Variants in ARHGAP26 observed in about 807,000 individuals in gnomAD.
ARHGAP26 encodes rho GTPase-activating protein 26.
A neutral mutation model predicts 104.8 loss-of-function variants in ARHGAP26; 38 were observed. The observed-to-expected ratio is 0.36, with a 90% confidence interval of 0.28 to 0.48. The LOEUF (loss-of-function observed/expected upper bound fraction) is 0.48. Ranked by LOEUF, ARHGAP26 falls within the 20% of genes least tolerant of loss-of-function variation. The pLI is 0.99. For missense variants in ARHGAP26, 704 were observed against 947.9 expected, an observed-to-expected ratio of 0.74 and a Z score of 3.38; for synonymous variants, 341 against 340.0, an observed-to-expected ratio of 1.00 and a Z score of -0.03.
At chr5:143,173,491 CG>C (rs1803066334) in intron 20 of ARHGAP26, among the ~76,000 whole-genome samples, 2 of 152,296 alleles carry the variant, frequency 1.3e-5, no homozygotes, top group African/African-American at 4.8e-5. Flanking sequence ...TCTCCAAAAA[CG>C]AAGTGGCTTT....
At chr5:142,886,328 G>T (rs1757697337) in intron 5 of ARHGAP26, among the ~76,000 whole-genome samples, 1 of 152,186 alleles carries the variant, frequency 6.6e-6, no homozygotes, top group African/African-American at 2.4e-5. Flanking sequence ...AGGTTGAAAG[G>T]TTGAAGTAAC....
At chr5:142,878,978 T>G (rs1756536351) in intron 3 of ARHGAP26, among the ~76,000 whole-genome samples, 1 of 152,176 alleles carries the variant, frequency 6.6e-6, no homozygotes, top group African/African-American at 2.4e-5. Context: ...TTATTTGTTT[T>G]TAACCTAGAC....
chr5:143,111,700 ATAG>A (rs1794787483), intron 17 of ARHGAP26, among the ~76,000 whole-genome samples: 1 of 152,256 alleles, frequency 6.6e-6, no homozygotes, highest in Non-Finnish European at 1.5e-5. Flanking sequence ...GGATCCTGGT[ATAG>A]TAGTGTGAGC....
intron 11 of ARHGAP26, among the ~76,000 whole-genome samples, chr5:142,992,364 A>G (rs1486182065): frequency 1.3e-5 from 2 of 152,106 alleles, no homozygotes; most frequent in Non-Finnish European, 2.9e-5. Flanking sequence ...CTATTTCACA[A>G]CTGATTCGAA....
chr5:143,022,273 A>C (rs4912890), intron 12 of ARHGAP26, among the ~76,000 whole-genome samples: 3 of 151,802 alleles, frequency 2.0e-5, no homozygotes, highest in African/African-American at 7.3e-5. Flanking sequence ...GGGTTTCACC[A>C]TGTTGGCCAG....
At chr5:142,940,666 G>A (rs1183157493) in intron 11 of ARHGAP26, among the ~76,000 whole-genome samples, 1 of 152,154 alleles carries the variant, frequency 6.6e-6, no homozygotes, top group Non-Finnish European at 1.5e-5. Flanking sequence ...ATTCCGTGGT[G>A]TATATTTACC....
chr5:143,065,427 G>A (rs966159795), intron 17 of ARHGAP26, among the ~76,000 whole-genome samples: 2 of 152,148 alleles, frequency 1.3e-5, no homozygotes, highest in African/African-American at 4.8e-5. Context: ...CTGAAACGTG[G>A]CAGCTGGCAG....
chr5:143,112,581 G>A lies in ARHGAP26; in HGVS notation c.1539-8407G>A, dbSNP rs369429949. Among the ~76,000 whole-genome samples, 17 of 152,252 alleles carry A rather than the reference G, an allele frequency of 1.1e-4. No homozygotes were observed. In the East Asian group the frequency reaches 2.1e-3, roughly 19 times the overall value. On this transcript the variant is annotated intron_variant, in intron 17 of 22. Transcript: ENST00000645722. ...TCTCCATAACTAATCTTGTAAAACC[G>A]AAGCTCTGTATCCATTAAACAAAAG...
At chr5:142,823,636 C>T (rs1222145938) in intron 1 of ARHGAP26, among the ~76,000 whole-genome samples, 1 of 152,170 alleles carries the variant, frequency 6.6e-6, no homozygotes, top group East Asian at 1.9e-4. Flanking sequence ...TGTTTCCTTC[C>T]TCAAGGTGTA....
intron 1 of ARHGAP26, among the ~76,000 whole-genome samples, chr5:142,840,332 A>G (rs1270742853): frequency 6.6e-6 from 1 of 152,220 alleles, no homozygotes; most frequent in African/African-American, 2.4e-5. Flanking sequence ...GCCTTACCTC[A>G]TCATGGAGGA....
chr5:142,826,526 T>C (rs958884948), intron 1 of ARHGAP26, among the ~76,000 whole-genome samples: 2 of 152,254 alleles, frequency 1.3e-5, no homozygotes, highest in Non-Finnish European at 2.9e-5. Flanking sequence ...CGAGGATTAT[T>C]ATCACCACGG....
chr5:143,111,597 A>T (rs887234685), intron 17 of ARHGAP26, among the ~76,000 whole-genome samples: 4 of 152,220 alleles, frequency 2.6e-5, no homozygotes, highest in Admixed American at 1.3e-4. Flanking sequence ...AGTAATAATA[A>T]AAGACAGGCA....
chr5:143,228,079 T>A lies in ARHGAP26; in HGVS notation c.*5633T>A. 4.5e-6 allele frequency: 1 copy of A among 222,536 alleles called. No individual in the cohort carries two copies. 13.8% of individuals were successfully genotyped at this position (222,536 alleles called of 1,614,324 possible). A position where few individuals can be genotyped will look rare whatever the true frequency, so the allele number is the denominator to read the frequency against. On this transcript the variant is annotated 3_prime_UTR_variant, in exon 23 of 23. Transcript: ENST00000645722. ...ATTGATAAACAAAATGTCAGTTACCTGGAGCAGTCCTGGAGAGGTTAAGAC... is the reference window on the plus strand; with the variant it reads ...ATTGATAAACAAAATGTCAGTTACCAGGAGCAGTCCTGGAGAGGTTAAGAC...
chr5:142,888,355 A>G (rs1024143693), intron 5 of ARHGAP26, among the ~76,000 whole-genome samples: 2 of 152,188 alleles, frequency 1.3e-5, no homozygotes, highest in African/African-American at 2.4e-5. Flanking sequence ...GTGTCATGAT[A>G]TAGAATTAGA....
rs1472949168 is a variant in ARHGAP26 at position 143,021,249 on chromosome 5, T to G, written c.1144+7133T>G. 2.6e-5 allele frequency among the ~76,000 whole-genome samples: 4 copies of G among 152,240 alleles called. No individual in the cohort carries two copies. In the East Asian group the frequency reaches 7.7e-4, roughly 29 times the overall value. On this transcript the variant is annotated intron_variant, in intron 12 of 22. Transcript: ENST00000645722. ...CTGGCATTATGTTGAATATGCTTGTTGTATTCTGCTTTAAAAATTACAGAC... is the reference window on the plus strand; with the variant it reads ...CTGGCATTATGTTGAATATGCTTGTGGTATTCTGCTTTAAAAATTACAGAC...
chr5:143,073,286 T>C (rs1274071113), intron 17 of ARHGAP26, among the ~76,000 whole-genome samples: 2 of 152,174 alleles, frequency 1.3e-5, no homozygotes, highest in Admixed American at 1.3e-4. Context: ...GCCAGTAACT[T>C]TGGCATGTAA....
intron 10 of ARHGAP26, among the ~76,000 whole-genome samples, chr5:142,931,268 A>G (rs1480953417): frequency 1.3e-5 from 2 of 152,206 alleles, no homozygotes; most frequent in African/African-American, 4.8e-5. Context: ...TCCTGCTTTA[A>G]TGGGCATAGA....
intron 15 of ARHGAP26, among the ~76,000 whole-genome samples, chr5:143,055,589 TCAC>T (rs1231768614): frequency 1.3e-4 from 20 of 152,320 alleles, no homozygotes; most frequent in African/African-American, 4.8e-4. Flanking sequence ...CATAGTGAAT[TCAC>T]CACCACAACA....
chr5:143,069,081 T>A (rs1787904129), intron 17 of ARHGAP26, among the ~76,000 whole-genome samples: 2 of 152,174 alleles, frequency 1.3e-5, no homozygotes, highest in Non-Finnish European at 2.9e-5. Context: ...GCCTCAGACC[T>A]CATCTCCCCT....
Sources: gnomAD v4.1 joint callset for allele counts (sites outside exome capture counted in the v4.1 genomes callset) on GRCh38, gnomAD v4.1.1 for gene constraint, MANE v1.5 for transcripts, NCBI Gene and HGNC (gene_info 2026-07-23, HGNC 2026-07-21) for gene names.